SLC25A21: variants seen among roughly 807,000 people sequenced by gnomAD.
SLC25A21 encodes mitochondrial 2-oxodicarboxylate carrier.
A neutral mutation model predicts 43.8 loss-of-function variants in SLC25A21; 47 were observed. That is an observed-to-expected ratio of 1.07 (90% CI 0.85 to 1.37). The LOEUF (loss-of-function observed/expected upper bound fraction) is 1.37, where lower values mean the gene tolerates loss of function less well. SLC25A21 is among the 40% of genes most tolerant of loss of function. The pLI, the probability that SLC25A21 is intolerant of heterozygous loss-of-function variation, is 0.00. For missense variants in SLC25A21, 352 were observed against 350.2 expected (o/e 1.00, Z -0.04); for synonymous variants, 131 against 121.3 (o/e 1.08, Z -0.52).
chr14:37,086,113 A>C (rs903881882), intron 1 of SLC25A21, among the ~76,000 whole-genome samples: 1 of 152,188 alleles, frequency 6.6e-6, no homozygotes, highest in Non-Finnish European at 1.5e-5. Flanking sequence ...TCAAAAAAAA[A>C]ATGAAAACTT....
rs1183699786 is a variant in SLC25A21 at position 36,678,523 on chromosome 14, A to C, written c.*2135T>G. On this transcript the variant is annotated 3_prime_UTR_variant, in exon 10 of 10. Coordinates refer to ENST00000331299, the MANE Select transcript of SLC25A21 (RefSeq NM_030631.4). The stretch of plus-strand genomic sequence containing the variant: ...AGACTATAAACTGAATGGAACAAAG[A>C]TCCAATCCAATATTTTGGTGGAGAC... 1.3e-6 allele frequency: 2 copies of C among 1,536,846 alleles called. No individual in the cohort carries two copies. Among genetic ancestry groups the C allele is most frequent in the Non-Finnish European group, 1.7e-6 (2 of 1,146,740 alleles).
intron 1 of SLC25A21, among the ~76,000 whole-genome samples, chr14:37,073,768 T>C (rs1263502824): frequency 6.6e-6 from 1 of 152,158 alleles, no homozygotes; most frequent in Non-Finnish European, 1.5e-5. Context: ...GGTATCAATT[T>C]AAGATCAAAT....
At chr14:37,133,661 C>T (rs1343039016) in intron 1 of SLC25A21, among the ~76,000 whole-genome samples, 2 of 151,896 alleles carry the variant, frequency 1.3e-5, no homozygotes, top group Non-Finnish European at 2.9e-5. Context: ...TGCCCTAACC[C>T]ACCTCTATAA....
chr14:36,720,405 A>C (rs2139203817), intron 6 of SLC25A21, among the ~76,000 whole-genome samples: 1 of 152,368 alleles, frequency 6.6e-6, no homozygotes, highest in African/African-American at 2.4e-5. Flanking sequence ...GTTTATGTCC[A>C]AGACATTAGG....
chr14:36,806,672 A>G (rs1457602550), intron 3 of SLC25A21, among the ~76,000 whole-genome samples: 1 of 152,198 alleles, frequency 6.6e-6, no homozygotes, highest in Non-Finnish European at 1.5e-5. Flanking sequence ...TTGGAAGAAG[A>G]AAATGTCTTC....
chr14:37,083,752 C>T (rs958782924), intron 1 of SLC25A21, among the ~76,000 whole-genome samples: 6 of 152,090 alleles, frequency 3.9e-5, no homozygotes, highest in Non-Finnish European at 7.4e-5. Context: ...TTTTAGGGAG[C>T]GGGACCCAGC....
chr14:36,996,189 A>G (rs942851066), intron 1 of SLC25A21, among the ~76,000 whole-genome samples: 2 of 152,086 alleles, frequency 1.3e-5, no homozygotes, highest in Non-Finnish European at 2.9e-5. Context: ...TGCCCTCATT[A>G]ATAGTATAAA....
chr14:37,138,944 C>A (rs1360743077), intron 1 of SLC25A21, among the ~76,000 whole-genome samples: 1 of 152,018 alleles, frequency 6.6e-6, no homozygotes, highest in East Asian at 1.9e-4. Context: ...CTTTTGAAAT[C>A]TGTTTCCCAT....
chr14:36,856,931 C>G (rs1420157532), intron 2 of SLC25A21, among the ~76,000 whole-genome samples: 1 of 152,162 alleles, frequency 6.6e-6, no homozygotes, highest in Admixed American at 6.5e-5. Context: ...GCTGTGCTAT[C>G]CAAGGAAGCT....
At chr14:36,699,557 G>C (rs1429385241) in intron 7 of SLC25A21, among the ~76,000 whole-genome samples, 1 of 152,204 alleles carries the variant, frequency 6.6e-6, no homozygotes, top group Non-Finnish European at 1.5e-5. Flanking sequence ...ACCCACAGAG[G>C]TGGAGTCTAG....
In SLC25A21 at chr14:36,679,835, TATCTC is replaced by T. The variant is rs931133444; in HGVS notation, c.*818_*822del. On this transcript the variant is annotated 3_prime_UTR_variant, in exon 10 of 10. Transcript: ENST00000331299. ...TCCAATTTGTGATTTAACATGACAA[TATCTC>T]ATCAACAAAACTTATCTTCAAAGAG... 1.4e-5 allele frequency: 14 copies of T among 984,450 alleles called. No individual in the cohort carries two copies. Among genetic ancestry groups the T allele is most frequent in the Non-Finnish European group, 1.7e-5 (14 of 829,180 alleles). 61.0% of individuals were successfully genotyped at this position (984,450 alleles called of 1,614,324 possible). A position where few individuals can be genotyped will look rare whatever the true frequency, so the allele number is the denominator to read the frequency against.
At chr14:36,779,592 G>A (rs1205285752) in intron 3 of SLC25A21, among the ~76,000 whole-genome samples, 8 of 109,584 alleles carry the variant, frequency 7.3e-5, no homozygotes, top group African/African-American at 1.3e-4. Flanking sequence ...TAAAAGAAAG[G>A]AATGTATATG....
chr14:37,142,727 C>T (rs945190093), intron 1 of SLC25A21, among the ~76,000 whole-genome samples: 1 of 152,114 alleles, frequency 6.6e-6, no homozygotes, highest in Non-Finnish European at 1.5e-5. Flanking sequence ...GGATACACAA[C>T]CACTGAAATT....
chr14:36,804,573 G>A (rs985471240), intron 3 of SLC25A21, among the ~76,000 whole-genome samples: 8 of 152,150 alleles, frequency 5.3e-5, no homozygotes, highest in Admixed American at 2.6e-4. Context: ...GACCAGAATG[G>A]TAACAGTGGT....
At chr14:37,030,619 C>T (rs1022398890) in intron 1 of SLC25A21, among the ~76,000 whole-genome samples, 2 of 152,118 alleles carry the variant, frequency 1.3e-5, no homozygotes, top group Non-Finnish European at 1.5e-5. Context: ...ACAGAATTCC[C>T]GGGACGAATC....
chr14:37,046,918 G>C (rs1490686449), intron 1 of SLC25A21, among the ~76,000 whole-genome samples: 1 of 152,160 alleles, frequency 6.6e-6, no homozygotes, highest in Non-Finnish European at 1.5e-5. Context: ...AAGATCCTCT[G>C]AGTCTGTCTT....
chr14:36,996,024 C>T (rs1397983565), intron 1 of SLC25A21, among the ~76,000 whole-genome samples: 1 of 152,132 alleles, frequency 6.6e-6, no homozygotes, highest in Admixed American at 6.5e-5. Context: ...CCAGCTAAAA[C>T]TGGCAGAACC....
chr14:37,113,224 T>G (rs1459229797), intron 1 of SLC25A21, among the ~76,000 whole-genome samples: 1 of 152,176 alleles, frequency 6.6e-6, no homozygotes, highest in Non-Finnish European at 1.5e-5. Context: ...AGCTTCTTAT[T>G]ACACAGAACT....
rs753864608 is a variant in SLC25A21 at position 37,166,569 on chromosome 14, G to A, written c.70+5712C>T. On this transcript the variant is annotated intron_variant, in intron 1 of 9. Transcript: ENST00000331299. ...TGAAGTTGTGGAAAGGATTAAAAGT[G>A]TTAACACATGTAAAGCTTAGAACTG... is the stretch of plus-strand genomic sequence containing the variant. Among the ~76,000 whole-genome samples the A allele has an allele frequency of 7.3e-4, 111 of 152,178 alleles. 1 individual carries two copies. Among genetic ancestry groups the A allele is most frequent in the Non-Finnish European group, 2.5e-4 (17 of 68,024 alleles).
Sources: gnomAD v4.1 joint callset for allele counts (sites outside exome capture counted in the v4.1 genomes callset) on GRCh38, gnomAD v4.1.1 for gene constraint, MANE v1.5 for transcripts, NCBI Gene and HGNC (gene_info 2026-07-23, HGNC 2026-07-21) for gene names.